MARVELD2: variants seen among roughly 807,000 people sequenced by gnomAD.
MARVELD2 encodes MARVEL domain containing 2.
In MARVELD2, 49 loss-of-function variants were observed where a neutral mutation model predicts 57.6. That is an observed-to-expected ratio of 0.85 (90% CI 0.68 to 1.08). The LOEUF is 1.08. Among genes scored for constraint, MARVELD2 ranks in the 50% least tolerant of loss-of-function variants. MARVELD2 has a pLI of 0.00. For missense variants in MARVELD2, 606 were observed against 701.1 expected, an observed-to-expected ratio of 0.86 and a Z score of 1.53; for synonymous variants, 238 against 258.8, an observed-to-expected ratio of 0.92 and a Z score of 0.77.
chr5:69,433,120 A>T, intron 5 of MARVELD2, 27 bp downstream of exon 5: 1 of 1,399,458 alleles, frequency 7.1e-7, no homozygotes, highest in Non-Finnish European at 1.0e-6. Flanking sequence ...GCCTAGGAGG[A>T]GCACTGAAAT....
rs1418350663 is a variant in MARVELD2, at chr5:69,432,171, C to T, written c.1183-356C>T. Among the ~76,000 whole-genome samples the T allele has an allele frequency of 2.0e-5, 3 of 152,120 alleles. No individual in the cohort carries two copies. In the East Asian group the frequency reaches 5.8e-4, roughly 29 times the overall value. On this transcript the variant is annotated intron_variant, in intron 3 of 6. Transcript: ENST00000325631. ...GATTATAGGCACCCGCCACCACTCCCAGCTAATTTTTGTATTTTTAATAGA... is the reference window on the plus strand; with the variant it reads ...GATTATAGGCACCCGCCACCACTCCTAGCTAATTTTTGTATTTTTAATAGA...
At chr5:69,437,181 T>G (rs1485815091) in intron 5 of MARVELD2, among the ~76,000 whole-genome samples, 2 of 88,000 alleles carry the variant, frequency 2.3e-5, no homozygotes, top group African/African-American at 7.2e-5. Context: ...AGAGCAAGAC[T>G]TCATCTCAAA....
chr5:69,421,991 G>C (rs1003688616), intron 2 of MARVELD2, among the ~76,000 whole-genome samples: 4 of 152,026 alleles, frequency 2.6e-5, no homozygotes, highest in African/African-American at 9.7e-5. Flanking sequence ...CTTTACTGCA[G>C]TCTCTGAACA....
chr5:69,437,955 T>C (rs1028344643), intron 5 of MARVELD2, among the ~76,000 whole-genome samples: 2 of 152,154 alleles, frequency 1.3e-5, no homozygotes, highest in Non-Finnish European at 2.9e-5. Flanking sequence ...GTTATTATTA[T>C]CAGTGTATCC....
At chr5:69,422,832 T>G (rs989764304) in intron 2 of MARVELD2, among the ~76,000 whole-genome samples, 1 of 152,076 alleles carries the variant, frequency 6.6e-6, no homozygotes, top group Non-Finnish European at 1.5e-5. Context: ...TTAAAATTTC[T>G]CTCTTTTGTA....
chr5:69,423,444 A>C (rs1766689797), intron 2 of MARVELD2, among the ~76,000 whole-genome samples: 1 of 151,968 alleles, frequency 6.6e-6, no homozygotes, highest in African/African-American at 2.4e-5. Context: ...TTTTTTGTAG[A>C]GACAGGGTAT....
chr5:69,432,016 A>T (rs1406392910), intron 3 of MARVELD2, among the ~76,000 whole-genome samples: 2 of 141,640 alleles, frequency 1.4e-5, no homozygotes, highest in African/African-American at 2.6e-5. Context: ...CATCTGCCAG[A>T]TTTTTTTTTT....
intron 3 of MARVELD2, among the ~76,000 whole-genome samples, chr5:69,429,523 C>A (rs1341472897): frequency 6.6e-6 from 1 of 152,182 alleles, no homozygotes; most frequent in African/African-American, 2.4e-5. Flanking sequence ...AAAGAGGAAT[C>A]ATGTTCCCAA....
At chr5:69,420,928 G>T (rs1215904634) in intron 2 of MARVELD2, among the ~76,000 whole-genome samples, 1 of 152,100 alleles carries the variant, frequency 6.6e-6, no homozygotes, top group African/African-American at 2.4e-5. Context: ...TTTAATAAAA[G>T]CTCCTAATTT....
intron 3 of MARVELD2, among the ~76,000 whole-genome samples, chr5:69,427,995 C>T (rs1369151087): frequency 6.6e-6 from 1 of 152,036 alleles, no homozygotes; most frequent in Non-Finnish European, 1.5e-5. Flanking sequence ...GCCTGTAATC[C>T]CAGCTACTCG....
intron 2 of MARVELD2, 108 bp from the exon 3 acceptor site, chr5:69,424,493 G>C: frequency 1.1e-6 from 1 of 894,972 alleles, no homozygotes; most frequent in South Asian, 1.4e-5. Context: ...TCAAGTAGAG[G>C]ATCAACCTCT....
chr5:69,440,873 A>G (rs1183601137), intron 6 of MARVELD2, among the ~76,000 whole-genome samples: 1 of 152,224 alleles, frequency 6.6e-6, no homozygotes, highest in Non-Finnish European at 1.5e-5. Flanking sequence ...GCTTGAGCCC[A>G]GGAGTTTGAG....
chr5:69,440,212 A>AG (rs978543522), intron 5 of MARVELD2, among the ~76,000 whole-genome samples: 1 of 152,130 alleles, frequency 6.6e-6, no homozygotes, highest in African/African-American at 2.4e-5. Flanking sequence ...ATCCTCCCTA[A>AG]GGGCCTGGGG....
rs1280818167 is a variant in MARVELD2, at chr5:69,420,254, C to T, written c.869C>T (p.Pro290Leu). The stretch of plus-strand genomic sequence containing the variant: ...ATTCTTCTGGACTCTAATTGGTGGC[C>T]CCTAACTGAATTTGGAATTAACGTT... The part of the protein sequence containing the change: ...RTILLDSNWW[P>L]LTEFGINVAL... The change falls in exon 2 of 7, where the codon CCC becomes CTC. Residue 290 changes from proline (P) to leucine (L), a missense_variant. By Grantham distance (98) the Pro-to-Leu change is moderately conservative. Transcript: ENST00000325631. The T allele has an allele frequency of 6.2e-6, 10 of 1,614,116 alleles. No homozygotes were observed. Among genetic ancestry groups the T allele is most frequent in the Non-Finnish European group, 8.5e-6 (10 of 1,180,034 alleles).
At chr5:69,432,796 G>T in intron 4 of MARVELD2, 121 bp downstream of exon 4, 1 of 1,549,534 alleles carries the variant, frequency 6.5e-7, no homozygotes. Context: ...GTAAATAGTT[G>T]TTATCTGAGA....
rs186953934 is a variant in MARVELD2, at chr5:69,437,058, G to A, written c.1504-3392G>A. The stretch of plus-strand genomic sequence containing the variant: ...ACAAAAATTAGCCAGGCATGGTGGT[G>A]TGTGCCTGTAATTCCAGCTACTCAG... On this transcript the variant is annotated intron_variant, in intron 5 of 6. Transcript: ENST00000325631. Among the ~76,000 whole-genome samples, 403 of 152,018 alleles carry A rather than the reference G, an allele frequency of 2.7e-3. 1 individual carries two copies. Among genetic ancestry groups the A allele is most frequent in the African/African-American group, 9.5e-3 (393 of 41,480 alleles).
chr5:69,436,402 A>AACACACACACACACACACACAC, intron 5 of MARVELD2, among the ~76,000 whole-genome samples: 1 of 123,908 alleles, frequency 8.1e-6, no homozygotes, highest in Admixed American at 8.8e-5. Flanking sequence ...TATGTATGGG[A>AACACACACACACACACACACAC]ACACACACAC....
chr5:69,424,562 C>G lies in MARVELD2; in HGVS notation c.1147-39C>G, dbSNP rs377242402. The G allele has an allele frequency of 1.9e-6, 3 of 1,563,938 alleles. No individual in the cohort carries two copies. The African/African-American group carries it at 4.0e-5, about 21-fold the overall frequency. On this transcript the variant is annotated intron_variant, in intron 2 of 6. Coordinates refer to ENST00000325631, the MANE Select transcript of MARVELD2 (RefSeq NM_001038603.3). ...TGAAAATATTTGCAAAGTAGCTTCA[C>G]ATGCCTTTGAAAAACTATTTGAACT...
Position 69,443,875 on chromosome 5 carries a change from T to C in MARVELD2, c.*2221T>C, listed in dbSNP as rs1767392718. ...TTTAATTCCATGGCTTTGTAGGCTGTGCTGTGTCTGAAGGGGTAACACCTA... is the reference window on the plus strand; with the variant it reads ...TTTAATTCCATGGCTTTGTAGGCTGCGCTGTGTCTGAAGGGGTAACACCTA... On this transcript the variant is annotated 3_prime_UTR_variant, in exon 7 of 7. Transcript: ENST00000325631. 6.6e-6 allele frequency: 1 copy of C among 151,936 alleles called. No homozygotes were observed. The highest frequency in any genetic ancestry group is 1.5e-5 in the Non-Finnish European group (1 of 67,986). 9.4% of individuals were successfully genotyped at this position (151,936 alleles called of 1,614,324 possible). A position where few individuals can be genotyped will look rare whatever the true frequency, so the allele number is the denominator to read the frequency against.
Sources: gnomAD v4.1 joint callset for allele counts (sites outside exome capture counted in the v4.1 genomes callset) on GRCh38, gnomAD v4.1.1 for gene constraint, MANE v1.5 for transcripts, NCBI Gene and HGNC (gene_info 2026-07-23, HGNC 2026-07-21) for gene names.